DNAJC13: variants seen among roughly 807,000 people sequenced by gnomAD.
DNAJC13 encodes the protein DnaJ heat shock protein family (Hsp40) member C13.
In DNAJC13, 75 loss-of-function variants were observed where a neutral mutation model predicts 290.5. The ratio of observed to expected loss-of-function variants is 0.26; its 90% CI spans 0.21 to 0.31. DNAJC13 has a LOEUF of 0.31. Among genes scored for constraint, DNAJC13 ranks in the 10% least tolerant of loss-of-function variants. The pLI is 1.00. For synonymous variants in DNAJC13, 862 were observed against 892.0 expected (o/e 0.97, Z 0.60); for missense variants, 2,260 against 2,674.5 (o/e 0.85, Z 3.42).
intron 2 of DNAJC13, among the ~76,000 whole-genome samples, chr3:132,441,318 T>C (rs1336851046): frequency 6.6e-6 from 1 of 152,212 alleles, no homozygotes; most frequent in Non-Finnish European, 1.5e-5. Context: ...TACCGGGACA[T>C]GAATAGAATT....
chr3:132,432,577 A>C (rs1433945982), intron 1 of DNAJC13, among the ~76,000 whole-genome samples: 1 of 152,232 alleles, frequency 6.6e-6, no homozygotes, highest in Non-Finnish European at 1.5e-5. Flanking sequence ...AAAAGAAATA[A>C]CCATATTTAA....
chr3:132,472,753 TTA>T (rs1934328839), intron 20 of DNAJC13, among the ~76,000 whole-genome samples: 1 of 152,238 alleles, frequency 6.6e-6, no homozygotes, highest in Admixed American at 6.5e-5. Flanking sequence ...TGGTAGCACT[TTA>T]ACAACCTGTA....
intron 48 of DNAJC13, among the ~76,000 whole-genome samples, chr3:132,518,317 C>T (rs1935983452): frequency 6.6e-6 from 1 of 152,188 alleles, no homozygotes; most frequent in African/African-American, 2.4e-5. Flanking sequence ...CAAGTATCAA[C>T]ACCTTAATTG....
chr3:132,525,870 T>C, intron 52 of DNAJC13, 81 bp downstream of exon 52: 1 of 1,454,050 alleles, frequency 6.9e-7, no homozygotes, highest in Non-Finnish European at 9.3e-7. Context: ...GTTGTAGTAT[T>C]ATATAAATCC....
chr3:132,434,036 C>T (rs1376827699), intron 1 of DNAJC13, among the ~76,000 whole-genome samples: 1 of 152,142 alleles, frequency 6.6e-6, no homozygotes, highest in African/African-American at 2.4e-5. Flanking sequence ...CGGTGAAATC[C>T]CGTCTCTACT....
At chr3:132,474,893 T>C (rs962033449) in intron 21 of DNAJC13, 39 bp from the exon 22 acceptor site, 1 of 1,286,338 alleles carries the variant, frequency 7.8e-7, no homozygotes, top group Non-Finnish European at 1.0e-6. Flanking sequence ...TTAAAATGCT[T>C]AGTGCATCCT....
rs9864899 is a variant in DNAJC13 at position 132,434,289 on chromosome 3, C to G, written c.-13-249C>G. Among the ~76,000 whole-genome samples, 137,800 of 140,476 alleles carry G rather than the reference C, an allele frequency of 0.98. 67,594 individuals are homozygous for G. The highest frequency in any genetic ancestry group is 0.99 in the East Asian group (4,788 of 4,838). 92.2% of individuals were successfully genotyped at this position (140,476 alleles called of 152,430 possible). A position where few individuals can be genotyped will look rare whatever the true frequency, so the allele number is the denominator to read the frequency against. On this transcript the variant is annotated intron_variant, in intron 1 of 55. Coordinates refer to ENST00000260818, the MANE Select transcript of DNAJC13 (RefSeq NM_015268.4). The stretch of plus-strand genomic sequence containing the variant: ...TAGTCCCAGCTACTTGGGAGGCTGA[C>G]GCAGGAGAATGGCCTGAACCCAGGA...
chr3:132,501,584 A>G (rs1473108658), intron 39 of DNAJC13, among the ~76,000 whole-genome samples: 3 of 152,010 alleles, frequency 2.0e-5, no homozygotes, highest in Non-Finnish European at 4.4e-5. Flanking sequence ...AAAAAAAAGA[A>G]AAAAAAACAG....
Position 132,480,442 on chromosome 3 carries a change from A to T in DNAJC13, c.2846A>T (p.His949Leu), listed in dbSNP as rs758332761. ...LVDLLTLAHL[H>L]VSRATVPLQS... The stretch of plus-strand genomic sequence containing the variant: ...GACTTGCTTACCCTTGCACATCTCC[A>T]TGTAAGCCGAGCTACAGTACCACTG... The change falls in exon 26 of 56, where the codon CAT becomes CTT. Residue 949 changes from histidine (H) to leucine (L), a missense_variant. Physicochemically the swap from His to Leu is moderately conservative, Grantham distance 99. Coordinates refer to ENST00000260818, the MANE Select transcript of DNAJC13 (RefSeq NM_015268.4). The T allele has an allele frequency of 5.6e-6, 9 of 1,612,904 alleles. No individual in the cohort carries two copies. The highest frequency in any genetic ancestry group is 1.6e-4 in the Middle Eastern group (1 of 6,078).
intron 48 of DNAJC13, among the ~76,000 whole-genome samples, chr3:132,521,724 C>G (rs574874439): frequency 6.6e-6 from 1 of 152,154 alleles, no homozygotes; most frequent in East Asian, 1.9e-4. Flanking sequence ...CTTCTCTTGT[C>G]CTCTGTAGAG....
At position 132,491,037 on chromosome 3, in the gene DNAJC13, G is replaced by T; in HGVS notation, c.3609G>T (p.Trp1203Cys). 1 of 1,604,882 alleles carries T rather than the reference G, an allele frequency of 6.2e-7. No homozygotes were observed. Among genetic ancestry groups the T allele is most frequent in the South Asian group, 1.1e-5 (1 of 88,636 alleles). The change falls in exon 32 of 56, where the codon TGG (tryptophan) becomes TGT (cysteine). Residue 1203 changes from tryptophan (W) to cysteine (C), a missense_variant. Coordinates refer to ENST00000260818, the MANE Select transcript of DNAJC13 (RefSeq NM_015268.4). The stretch of plus-strand genomic sequence containing the variant: ...AATTTGATACTCCAGAAGCAATCTG[G>T]AGCAGTGAAATGAGGTAAATAACCA... ...LGEFDTPEAI[W>C]SSEMRRLMIE...
intron 21 of DNAJC13, among the ~76,000 whole-genome samples, chr3:132,473,643 T>C (rs923781900): frequency 1.3e-5 from 2 of 152,008 alleles, no homozygotes; most frequent in Non-Finnish European, 2.9e-5. Context: ...TTCCCTCTTT[T>C]TATCTACCAA....
rs529912085 is a variant in DNAJC13 at position 132,513,556 on chromosome 3, T to C, written c.5385+457T>C. On this transcript the variant is annotated intron_variant, in intron 45 of 55. Transcript: ENST00000260818. ...GCAGTTGAAACTCCCTTCTTACAAA[T>C]CTAGTACAAGAGCTACCTTTTCTGT... 5.3e-5 allele frequency among the ~76,000 whole-genome samples: 8 copies of C among 152,264 alleles called. No homozygotes were observed. The South Asian group carries it at 1.7e-3, about 32-fold the overall frequency.
chr3:132,467,822 T>A (rs1469466274), intron 20 of DNAJC13, among the ~76,000 whole-genome samples: 2 of 152,190 alleles, frequency 1.3e-5, no homozygotes, highest in African/African-American at 4.8e-5. Flanking sequence ...GTTCATAGTT[T>A]TATGAGTTGA....
In DNAJC13 at chr3:132,478,010, G is replaced by A. The variant is rs1416710200; in HGVS notation, c.2579G>A (p.Arg860His). ...GAATTTTTCAATGAGCTTTATCATC[G>A]CTTCTTGCTCACCCCAAAAGTAAAC... ...SYEFFNELYH[R>H]FLLTPKVNMK... Residue 860 changes from arginine (R) to histidine (H), a missense_variant, in exon 24 of 56, where the codon CGC becomes CAC. Around this residue, in one of 3 missense-constraint regions of DNAJC13, gnomAD observed 1,494 missense variants for 1,693.7 expected, o/e 0.88. Transcript: ENST00000260818. The A allele has an allele frequency of 3.7e-6, 6 of 1,608,972 alleles. No homozygotes were observed. The highest frequency in any genetic ancestry group is 1.7e-5 in the Admixed American group (1 of 59,210).
chr3:132,526,073 G>A, intron 52 of DNAJC13, 68 bp from the exon 53 acceptor site: 5 of 1,550,288 alleles, frequency 3.2e-6, no homozygotes, highest in Non-Finnish European at 3.5e-6. Flanking sequence ...TACTTATTTT[G>A]TTATGGTATT....
chr3:132,461,515 C>T (rs921538599), intron 15 of DNAJC13, among the ~76,000 whole-genome samples: 2 of 152,116 alleles, frequency 1.3e-5, no homozygotes, highest in Admixed American at 6.6e-5. Flanking sequence ...ATGTAGGCTG[C>T]GGGTTGGACA....
chr3:132,493,303 C>T (rs934325688), intron 33 of DNAJC13, among the ~76,000 whole-genome samples: 3 of 151,858 alleles, frequency 2.0e-5, no homozygotes, highest in African/African-American at 7.3e-5. Context: ...GAACTTATAC[C>T]ATTATTACCA....
At position 132,478,081 on chromosome 3, in the gene DNAJC13, T is replaced by C. The variant is rs754459116; in HGVS notation, c.2650T>C (p.Cys884Arg). 2.9e-5 allele frequency: 47 copies of C among 1,613,500 alleles called. No individual in the cohort carries two copies. Among genetic ancestry groups the C allele is most frequent in the Non-Finnish European group, 3.9e-5 (46 of 1,179,800 alleles). Residue 884 changes from cysteine to arginine, a missense_variant, in exon 24 of 56, where the codon TGT (cysteine) becomes CGT (arginine). This residue lies in a region of DNAJC13 where 1,494 missense variants were observed against 1,693.7 expected (regional missense o/e 0.88). Coordinates refer to ENST00000260818, the MANE Select transcript of DNAJC13 (RefSeq NM_015268.4). ...LQALAIVYGR[C>R]HEEIGPFTDT... ...AGCCCTTGCTATTGTTTATGGCAGATGTCACGAAGAAATAGGACCTTTTAC... is the reference window on the plus strand; with the variant it reads ...AGCCCTTGCTATTGTTTATGGCAGACGTCACGAAGAAATAGGACCTTTTAC...
Sources: gnomAD v4.1 joint callset for allele counts (sites outside exome capture counted in the v4.1 genomes callset) on GRCh38, gnomAD v4.1.1 for gene constraint, gnomAD v4.1.1 regional missense constraint, MANE v1.5 for transcripts, NCBI Gene and HGNC (gene_info 2026-07-23, HGNC 2026-07-21) for gene names.